Variants in SLIT3 observed in about 807,000 individuals in gnomAD.
SLIT3 encodes slit guidance ligand 3, also known as slit homolog 3 protein.
In SLIT3, 68 loss-of-function variants were observed where a neutral mutation model predicts 184.0. The observed-to-expected ratio is 0.37, with a 90% CI of 0.30 to 0.45. SLIT3 has a LOEUF of 0.45. Ranked by LOEUF, SLIT3 falls within the 20% of genes least tolerant of loss-of-function variation. The pLI is 1.00. For synonymous variants in SLIT3, 831 were observed against 828.6 expected (o/e 1.00, Z -0.05); for missense variants, 1,707 against 2,026.0 (o/e 0.84, Z 3.02).
intron 17 of SLIT3, 23 bp from the exon 18 acceptor site, chr5:168,753,121 G>A: frequency 1.9e-6 from 3 of 1,613,174 alleles, no homozygotes; most frequent in Non-Finnish European, 1.7e-6. Context: ...GGGTGGGGAT[G>A]AGAGAGCACA....
At chr5:169,050,985 T>C (rs1420446023) in intron 4 of SLIT3, among the ~76,000 whole-genome samples, 1 of 152,232 alleles carries the variant, frequency 6.6e-6, no homozygotes, top group Non-Finnish European at 1.5e-5. Context: ...TCTCTCTTAC[T>C]GGCTTTTGTT....
Position 169,286,135 on chromosome 5 carries a change from T to A in SLIT3, c.197+14378A>T, listed in dbSNP as rs760123383. On this transcript the variant is annotated intron_variant, in intron 1 of 35. Transcript: ENST00000519560. ...GGAAGCAGGTTACTATTAAAGACCA[T>A]GCCTAAGATTACTTAGCTACTAATG... Among the ~76,000 whole-genome samples the A allele has an allele frequency of 3.7e-4, 56 of 152,148 alleles. 1 individual carries two copies. Among genetic ancestry groups the A allele is most frequent in the Non-Finnish European group, 8.8e-5 (6 of 68,020 alleles).
intron 4 of SLIT3, among the ~76,000 whole-genome samples, chr5:168,912,844 C>A (rs1761297749): frequency 1.3e-5 from 2 of 152,166 alleles, no homozygotes; most frequent in Admixed American, 1.3e-4. Context: ...GTCCTTCTCT[C>A]TCCCACTGCT....
At chr5:169,153,484 A>G (rs1762195335) in intron 4 of SLIT3, among the ~76,000 whole-genome samples, 1 of 152,242 alleles carries the variant, frequency 6.6e-6, no homozygotes, top group African/African-American at 2.4e-5. Flanking sequence ...TGAGCAGCAA[A>G]GTGGTATTGC....
At chr5:169,064,468 T>C (rs751671333) in intron 4 of SLIT3, among the ~76,000 whole-genome samples, 6 of 152,222 alleles carry the variant, frequency 3.9e-5, no homozygotes, top group Non-Finnish European at 8.8e-5. Flanking sequence ...AGCATGAGTA[T>C]TGTCCTTTTT....
At chr5:168,857,683 T>C (rs1758936501) in intron 5 of SLIT3, among the ~76,000 whole-genome samples, 1 of 152,208 alleles carries the variant, frequency 6.6e-6, no homozygotes, top group Non-Finnish European at 1.5e-5. Flanking sequence ...TTTAATGCAG[T>C]ACATTGAGAA....
chr5:169,247,763 C>A (rs1325343540), intron 2 of SLIT3, among the ~76,000 whole-genome samples: 1 of 152,006 alleles, frequency 6.6e-6, no homozygotes, highest in Non-Finnish European at 1.5e-5. Context: ...ACCACACCCA[C>A]CTAATTTTTT....
chr5:169,297,139 C>T (rs1447124052), intron 1 of SLIT3, among the ~76,000 whole-genome samples: 1 of 152,226 alleles, frequency 6.6e-6, no homozygotes, highest in Non-Finnish European at 1.5e-5. Flanking sequence ...CTCCTCTCGT[C>T]CTCTATCTTT....
At chr5:168,782,022 T>C (rs943202040) in intron 12 of SLIT3, among the ~76,000 whole-genome samples, 1 of 152,180 alleles carries the variant, frequency 6.6e-6, no homozygotes, top group African/African-American at 2.4e-5. Flanking sequence ...AAGTATTCAA[T>C]AAATGTTAGC....
chr5:169,296,991 C>T (rs1767522429), intron 1 of SLIT3, among the ~76,000 whole-genome samples: 1 of 152,164 alleles, frequency 6.6e-6, no homozygotes, highest in Non-Finnish European at 1.5e-5. Flanking sequence ...TCTGCCTCCT[C>T]TTTTTCCAGG....
intron 4 of SLIT3, among the ~76,000 whole-genome samples, chr5:169,120,597 C>A (rs1317899425): frequency 1.3e-5 from 2 of 152,178 alleles, no homozygotes; most frequent in Non-Finnish European, 2.9e-5. Flanking sequence ...ACCTATGGAA[C>A]TGTAAGAGAC....
chr5:168,661,976 C>G lies in SLIT3; in HGVS notation c.*4478G>C, dbSNP rs1229827167. The G allele has an allele frequency of 1.3e-5, 2 of 152,230 alleles. No homozygotes were observed. Among genetic ancestry groups the G allele is most frequent in the Non-Finnish European group, 2.9e-5 (2 of 68,054 alleles). The allele number at this position is 152,230 out of a possible 1,614,324, so 9.4% of individuals were successfully genotyped here. ...CCTGATTATGCCTTTACTGGTCCTGCTAGCTGGCATGTTTCACCAACTTTT... is the reference window on the plus strand; with the variant it reads ...CCTGATTATGCCTTTACTGGTCCTGGTAGCTGGCATGTTTCACCAACTTTT... On this transcript the variant is annotated 3_prime_UTR_variant, in exon 36 of 36. Coordinates refer to ENST00000519560, the MANE Select transcript of SLIT3 (RefSeq NM_003062.4).
At chr5:168,709,779 G>A (rs895518757) in intron 25 of SLIT3, among the ~76,000 whole-genome samples, 3 of 151,498 alleles carry the variant, frequency 2.0e-5, no homozygotes, top group South Asian at 2.1e-4. Context: ...TGAAAAGTAC[G>A]TTTTTGATGA....
chr5:169,165,342 A>T (rs751115161), intron 4 of SLIT3, among the ~76,000 whole-genome samples: 7 of 152,366 alleles, frequency 4.6e-5, no homozygotes, highest in Non-Finnish European at 1.0e-4. Flanking sequence ...TGCTAATAGA[A>T]TCAGAAGAGG....
intron 5 of SLIT3, among the ~76,000 whole-genome samples, chr5:168,853,124 A>G (rs1758734723): frequency 6.6e-6 from 1 of 152,190 alleles, no homozygotes; most frequent in African/African-American, 2.4e-5. Flanking sequence ...AGAATCTATT[A>G]TTTGAGATAT....
intron 4 of SLIT3, among the ~76,000 whole-genome samples, chr5:169,106,159 C>A (rs1408464111): frequency 6.6e-6 from 1 of 152,106 alleles, no homozygotes. Flanking sequence ...ACATGTTTAC[C>A]TGTGTAACAA....
At chr5:169,143,610 C>A (rs1164083644) in intron 4 of SLIT3, among the ~76,000 whole-genome samples, 1 of 152,262 alleles carries the variant, frequency 6.6e-6, no homozygotes, top group East Asian at 1.9e-4. Flanking sequence ...ACCAGCCCAG[C>A]CAACATGGCG....
intron 3 of SLIT3, among the ~76,000 whole-genome samples, chr5:169,241,113 G>A (rs1407193830): frequency 6.6e-6 from 1 of 152,022 alleles, no homozygotes; most frequent in Non-Finnish European, 1.5e-5. Flanking sequence ...CAGGGCAGCT[G>A]TCTCAAAGAA....
At chr5:169,145,350 A>G (rs563784690) in intron 4 of SLIT3, among the ~76,000 whole-genome samples, 1 of 152,280 alleles carries the variant, frequency 6.6e-6, no homozygotes, top group East Asian at 1.9e-4. Context: ...CGGTAGAGAC[A>G]TTGCAGGGCG....
Sources: gnomAD v4.1 joint callset for allele counts (sites outside exome capture counted in the v4.1 genomes callset) on GRCh38, gnomAD v4.1.1 for gene constraint, MANE v1.5 for transcripts, NCBI Gene and HGNC (gene_info 2026-07-23, HGNC 2026-07-21) for gene names.